ARFGEF1: variants seen among roughly 807,000 people sequenced by gnomAD.
ARFGEF1 encodes the protein brefeldin A-inhibited guanine nucleotide-exchange protein 1.
Under a neutral mutation model 231.0 loss-of-function variants are expected in ARFGEF1, and 42 were observed. That is an observed-to-expected ratio of 0.18 (90% CI 0.14 to 0.24). The LOEUF (loss-of-function observed/expected upper bound fraction) is 0.24. ARFGEF1 is among the 10% of genes least tolerant of loss of function. The pLI is 1.00. For missense variants in ARFGEF1, 1,345 were observed against 2,192.0 expected, an observed-to-expected ratio of 0.61 and a Z score of 7.72; for synonymous variants, 710 against 732.3, an observed-to-expected ratio of 0.97 and a Z score of 0.49.
At chr8:67,227,090 G>GC (rs780640406) in intron 27 of ARFGEF1, 47 bp downstream of exon 27, 2 of 1,436,068 alleles carry the variant, frequency 1.4e-6, no homozygotes, top group East Asian at 4.6e-5. Context: ...CGTTAAGGTT[G>GC]CTTTTTTTTT....
intron 6 of ARFGEF1, among the ~76,000 whole-genome samples, chr8:67,290,303 T>G (rs1805952572): frequency 6.6e-6 from 1 of 152,068 alleles, no homozygotes; most frequent in South Asian, 2.1e-4. Context: ...GGTTGGAAAA[T>G]TTCCTACCCC....
intron 5 of ARFGEF1, among the ~76,000 whole-genome samples, chr8:67,295,949 A>C (rs1423621729): frequency 6.6e-6 from 1 of 152,194 alleles, no homozygotes; most frequent in African/African-American, 2.4e-5. Flanking sequence ...TTTAAAAACA[A>C]TTCTCTAGTT....
At chr8:67,327,789 C>T (rs1807906182) in intron 1 of ARFGEF1, among the ~76,000 whole-genome samples, 1 of 152,196 alleles carries the variant, frequency 6.6e-6, no homozygotes, top group East Asian at 1.9e-4. Flanking sequence ...ATATAATCTG[C>T]TTTTTCCAAT....
At chr8:67,332,972 C>A (rs1219047690) in intron 1 of ARFGEF1, among the ~76,000 whole-genome samples, 3 of 152,082 alleles carry the variant, frequency 2.0e-5, no homozygotes, top group Non-Finnish European at 2.9e-5. Flanking sequence ...CGGAAACTGG[C>A]ATACAGTAAA....
intron 19 of ARFGEF1, 96 bp downstream of exon 19, chr8:67,251,203 G>C: frequency 1.7e-6 from 2 of 1,165,542 alleles, no homozygotes; most frequent in Middle Eastern, 2.5e-4. Flanking sequence ...ACACTAATGT[G>C]TTATATCACT....
intron 13 of ARFGEF1, 107 bp from the exon 14 acceptor site, chr8:67,266,314 T>C (rs1193928987): frequency 1.3e-6 from 1 of 778,468 alleles, no homozygotes; most frequent in Non-Finnish European, 2.1e-6. Flanking sequence ...GTTGCTTAGA[T>C]ATCTATTTAA....
intron 23 of ARFGEF1, among the ~76,000 whole-genome samples, chr8:67,229,335 G>A (rs75989245): frequency 0.023 from 3,498 of 152,010 alleles, 89 homozygotes; most frequent in South Asian, 0.046. Flanking sequence ...TGAGCAAAAG[G>A]TATATTCAAC....
chr8:67,303,216 T>C (rs1051937564), intron 1 of ARFGEF1, among the ~76,000 whole-genome samples: 2 of 152,164 alleles, frequency 1.3e-5, no homozygotes, highest in African/African-American at 4.8e-5. Context: ...AACCTTGTGA[T>C]TACCCCAGGG....
At chr8:67,299,406 AC>A in intron 3 of ARFGEF1, 51 bp from the exon 4 acceptor site, 2 of 1,488,298 alleles carry the variant, frequency 1.3e-6, no homozygotes, top group Non-Finnish European at 1.8e-6. Flanking sequence ...CAAATATTAT[AC>A]ATACTAATGC....
chr8:67,321,042 A>C (rs545029165), intron 1 of ARFGEF1, among the ~76,000 whole-genome samples: 1 of 152,226 alleles, frequency 6.6e-6, no homozygotes, highest in East Asian at 1.9e-4. Context: ...GAGTGAAAGA[A>C]GCCAGTCTCA....
chr8:67,259,676 A>G, intron 15 of ARFGEF1, 139 bp downstream of exon 15: 2 of 526,008 alleles, frequency 3.8e-6, no homozygotes, highest in Non-Finnish European at 6.6e-6. Context: ...GCACTTTGGG[A>G]GGCTGAGGCA....
chr8:67,241,660 A>C lies in ARFGEF1; in HGVS notation c.2851-1370T>G, dbSNP rs191680966. Among the ~76,000 whole-genome samples the C allele has an allele frequency of 4.4e-3, 672 of 152,286 alleles. 9 individuals are homozygous for C. Among genetic ancestry groups the C allele is most frequent in the African/African-American group, 0.015 (639 of 41,552 alleles). ...GATAATATGCAGGAACAAGAGGGCC[A>C]AAAAGAGAGCTCCACCAATCATCCC... On this transcript the variant is annotated intron_variant, in intron 19 of 38. Transcript: ENST00000262215.
intron 17 of ARFGEF1, 63 bp downstream of exon 17, chr8:67,257,669 A>T (rs995297738): frequency 2.9e-5 from 36 of 1,259,586 alleles, no homozygotes; most frequent in Non-Finnish European, 4.0e-5. Flanking sequence ...TTACTTACTG[A>T]ATTCAGAATA....
chr8:67,321,338 C>T (rs948529385), intron 1 of ARFGEF1, among the ~76,000 whole-genome samples: 3 of 152,204 alleles, frequency 2.0e-5, no homozygotes, highest in African/African-American at 4.8e-5. Context: ...TACATCCATA[C>T]TCCAACTTAG....
rs377423199 is a variant in ARFGEF1, at chr8:67,184,744, T to TATAATAATAATAATAATA, written c.561-9190_561-9173dup. ...GTCTAAAAAAATAATAATAAAAAAATATAATAATAATAATAATAATAATAA... is the reference window on the plus strand; with the variant it reads ...GTCTAAAAAAATAATAATAAAAAAATATAATAATAATAATAATAATAATAATAATAATAATAATAATAA... On this transcript the variant is annotated intron_variant, in intron 5 of 5. Transcript: ENST00000518789. Among the ~76,000 whole-genome samples, 823 of 142,506 alleles carry TATAATAATAATAATAATA rather than the reference T, an allele frequency of 5.8e-3. 6 individuals are homozygous for TATAATAATAATAATAATA. The highest frequency in any genetic ancestry group is 0.019 in the African/African-American group (724 of 38,074). The allele number at this position is 142,506 out of a possible 152,430, so 93.5% of individuals were successfully genotyped here.
At chr8:67,210,319 A>G (rs1838687114) in intron 34 of ARFGEF1, among the ~76,000 whole-genome samples, 2 of 151,390 alleles carry the variant, frequency 1.3e-5, no homozygotes, top group East Asian at 3.9e-4. Context: ...CCCTACAAAA[A>G]AATATAAAAA....
intron 5 of ARFGEF1, among the ~76,000 whole-genome samples, chr8:67,178,368 C>T (rs1832182484): frequency 6.6e-6 from 1 of 152,168 alleles, no homozygotes; most frequent in Non-Finnish European, 1.5e-5. Flanking sequence ...ACAGGATGAG[C>T]TCTTTTCAAT....
At chr8:67,259,435 C>A (rs1056601118) in intron 15 of ARFGEF1, among the ~76,000 whole-genome samples, 2 of 152,142 alleles carry the variant, frequency 1.3e-5, no homozygotes, top group African/African-American at 4.8e-5. Flanking sequence ...GCCACATTGG[C>A]CAGGCTGGTC....
intron 19 of ARFGEF1, among the ~76,000 whole-genome samples, chr8:67,244,242 C>CAAAAAAAAAAAAAAA (rs34333039): frequency 1.5e-4 from 3 of 20,096 alleles, no homozygotes; most frequent in South Asian, 2.7e-3. Context: ...GACTCCACCT[C>CAAAAAAAAAAAAAAA]AAAAAAAAAA....
Sources: gnomAD v4.1 joint callset for allele counts (sites outside exome capture counted in the v4.1 genomes callset) on GRCh38, gnomAD v4.1.1 for gene constraint, MANE v1.5 for transcripts, NCBI Gene and HGNC (gene_info 2026-07-23, HGNC 2026-07-21) for gene names.